CDIP1: variants seen among roughly 807,000 people sequenced by gnomAD.
CDIP1 encodes the protein cell death-inducing p53-target protein 1.
Under a neutral mutation model 17.7 loss-of-function variants are expected in CDIP1, and 9 were observed. That is an observed-to-expected ratio of 0.51 (90% CI 0.31 to 0.89). The LOEUF (loss-of-function observed/expected upper bound fraction) is 0.89. Ranked by LOEUF, CDIP1 falls within the 40% of genes least tolerant of loss-of-function variation. CDIP1 has a pLI of 0.05. For synonymous variants in CDIP1, 117 were observed against 109.5 expected (o/e 1.07, Z -0.43); for missense variants, 263 against 277.9 (o/e 0.95, Z 0.38).
At position 4,513,528 on chromosome 16, in the gene CDIP1, C is replaced by T. The variant is rs979006800; in HGVS notation, c.241+168G>A. On this transcript the variant is annotated intron_variant, in intron 4 of 5. Transcript: ENST00000567695. This position sits in a 1 kb window ranked among gnomAD's most constrained non-coding sequence, Gnocchi z 4.1. Reference sequence around the variant, plus strand: ...GAATAAGAGCAGTCCCACCTTCCCACGTCCACAGTCCCTGTCCACACACAG... The same window carrying T: ...GAATAAGAGCAGTCCCACCTTCCCATGTCCACAGTCCCTGTCCACACACAG... Among the ~76,000 whole-genome samples the T allele has an allele frequency of 5.3e-5, 8 of 152,220 alleles. No individual in the cohort carries two copies. The highest frequency in any genetic ancestry group is 1.0e-4 in the Non-Finnish European group (7 of 68,036).
At chr16:4,538,148 G>T (rs1005856028) in intron 1 of CDIP1, among the ~76,000 whole-genome samples, 5 of 152,112 alleles carry the variant, frequency 3.3e-5, no homozygotes, top group African/African-American at 1.2e-4. Context: ...GGAAAAACGT[G>T]CGGGCGAGCA....
At position 4,514,653 on chromosome 16, in the gene CDIP1, G is replaced by C. The variant is rs1269496526; in HGVS notation, c.-93C>G. 1 of 153,988 alleles carries C rather than the reference G, an allele frequency of 6.5e-6. No individual in the cohort carries two copies. The highest frequency in any genetic ancestry group is 1.4e-5 in the Non-Finnish European group (1 of 69,388). The allele number at this position is 153,988 out of a possible 1,614,324, so 9.5% of individuals were successfully genotyped here. ...GGCCTGGATGGACAGGGAACAGGCA[G>C]GGCTCCGGGAGCTGTTTCAGGGGAA... On this transcript the variant is annotated 5_prime_UTR_variant, in exon 2 of 6. Transcript: ENST00000567695. The surrounding 1 kb of genome is among the most constrained non-coding windows in gnomAD (Gnocchi z 5.2).
chr16:4,535,267 ACCT>A (rs1193947632), intron 1 of CDIP1, among the ~76,000 whole-genome samples: 1 of 151,798 alleles, frequency 6.6e-6, no homozygotes, highest in Non-Finnish European at 1.5e-5. Flanking sequence ...CCCCCATTAC[ACCT>A]CCTTGCAGTA....
chr16:4,531,324 G>A (rs1180621757), intron 1 of CDIP1, among the ~76,000 whole-genome samples: 2 of 151,666 alleles, frequency 1.3e-5, no homozygotes, highest in East Asian at 1.9e-4. Flanking sequence ...CACTGTGCCC[G>A]GCCTTTTTTT....
Position 4,513,573 on chromosome 16 carries a change from C to CT in CDIP1, c.241+122dup. Reference sequence around the variant, plus strand: ...ACACAGCCTGAGCCCTAGGCAAGGGCTGGTTGGGCGTGTTGGAGTCCCTGC... The same window carrying CT: ...ACACAGCCTGAGCCCTAGGCAAGGGCTTGGTTGGGCGTGTTGGAGTCCCTGC... On this transcript the variant is annotated intron_variant, in intron 4 of 5. Coordinates refer to ENST00000567695, the MANE Select transcript of CDIP1 (RefSeq NM_013399.3). The surrounding 1 kb of genome is among the most constrained non-coding windows in gnomAD (Gnocchi z 4.1). 1 of 816,040 alleles carries CT rather than the reference C, an allele frequency of 1.2e-6. No homozygotes were observed. The highest frequency in any genetic ancestry group is 2.0e-6 in the Non-Finnish European group (1 of 496,136). 50.5% of individuals were successfully genotyped at this position (816,040 alleles called of 1,614,324 possible).
rs1204215577 is a variant in CDIP1, at chr16:4,513,939, G to A, written c.86-88C>T. On this transcript the variant is annotated intron_variant, in intron 3 of 5. Transcript: ENST00000567695. The surrounding 1 kb of genome is among the most constrained non-coding windows in gnomAD (Gnocchi z 4.1). ...GAGGCCACTGTTTTGGGACACAGAT[G>A]GGGCCCAGGGGTAACCCTGGAGTGG... 1.4e-6 allele frequency: 2 copies of A among 1,389,280 alleles called. No individual in the cohort carries two copies. The highest frequency in any genetic ancestry group is 1.9e-6 in the Non-Finnish European group (2 of 1,026,232). The allele number at this position is 1,389,280 out of a possible 1,614,324, so 86.1% of individuals were successfully genotyped here. A position where few individuals can be genotyped will look rare whatever the true frequency, so the allele number is the denominator to read the frequency against.
chr16:4,526,431 T>G (rs527252482), intron 1 of CDIP1, among the ~76,000 whole-genome samples: 138 of 151,242 alleles, frequency 9.1e-4, no homozygotes, highest in Non-Finnish European at 1.4e-3. Context: ...CTGGTCACGG[T>G]GGCTCACACC....
intron 1 of CDIP1, among the ~76,000 whole-genome samples, chr16:4,534,405 C>T (rs4786519): frequency 0.55 from 83,742 of 152,214 alleles, 26,655 homozygotes; most frequent in Non-Finnish European, 0.7. Flanking sequence ...CAGTCAACTC[C>T]GTGATGCAGT....
At position 4,513,352 on chromosome 16, in the gene CDIP1, C is replaced by T. The variant is rs1039479317; in HGVS notation, c.242-288G>A. On this transcript the variant is annotated intron_variant, in intron 4 of 5. Coordinates refer to ENST00000567695, the MANE Select transcript of CDIP1 (RefSeq NM_013399.3). This position sits in a 1 kb window ranked among gnomAD's most constrained non-coding sequence, Gnocchi z 4.1. ...GTCCCTCTGCTCCTCTGTCTGTCTC[C>T]AGCATGCAAGGACAGGGCACTCAGC... Among the ~76,000 whole-genome samples, 2 of 152,142 alleles carry T rather than the reference C, an allele frequency of 1.3e-5. No homozygotes were observed. Among genetic ancestry groups the T allele is most frequent in the African/African-American group, 2.4e-5 (1 of 41,416 alleles).
intron 1 of CDIP1, among the ~76,000 whole-genome samples, chr16:4,527,989 G>A (rs760483773): frequency 1.5e-4 from 23 of 152,210 alleles, no homozygotes; most frequent in Admixed American, 3.3e-4. Flanking sequence ...GCTAATTTTT[G>A]TATTTTAGTA....
Position 4,513,936 on chromosome 16 carries a change from G to A in CDIP1, c.86-85C>T. 1 of 1,405,838 alleles carries A rather than the reference G, an allele frequency of 7.1e-7. No homozygotes were observed. The highest frequency in any genetic ancestry group is 9.6e-7 in the Non-Finnish European group (1 of 1,039,278). The allele number at this position is 1,405,838 out of a possible 1,614,324, so 87.1% of individuals were successfully genotyped here. ...CCAGAGGCCACTGTTTTGGGACACA[G>A]ATGGGGCCCAGGGGTAACCCTGGAG... is the stretch of plus-strand genomic sequence containing the variant. On this transcript the variant is annotated intron_variant, in intron 3 of 5. Coordinates refer to ENST00000567695, the MANE Select transcript of CDIP1 (RefSeq NM_013399.3). The surrounding 1 kb of genome is among the most constrained non-coding windows in gnomAD (Gnocchi z 4.1).
Position 4,513,777 on chromosome 16 carries a change from A to T in CDIP1, c.160T>A (p.Tyr54Asn), listed in dbSNP as rs1383462784. 9 of 1,609,814 alleles carry T rather than the reference A, an allele frequency of 5.6e-6. No individual in the cohort carries two copies. The highest frequency in any genetic ancestry group is 7.6e-6 in the Non-Finnish European group (9 of 1,177,148). The change falls in exon 4 of 6, where the codon TAT becomes AAT. Residue 54 changes from tyrosine (Y) to asparagine (N), a missense_variant. Transcript: ENST00000567695. This position sits in a 1 kb window ranked among gnomAD's most constrained non-coding sequence, Gnocchi z 4.1. ...LPPADIGPPP[Y>N]EPPGHPMPQP... is the part of the protein sequence containing the mutation. Reference sequence around the variant, plus strand: ...GGCATTGGGTGACCCGGCGGCTCATAGGGTGGGGGGCCAATGTCCGCAGGG... The same window carrying T: ...GGCATTGGGTGACCCGGCGGCTCATTGGGTGGGGGGCCAATGTCCGCAGGG...
At chr16:4,530,011 G>A (rs1018936557) in intron 1 of CDIP1, among the ~76,000 whole-genome samples, 6 of 152,344 alleles carry the variant, frequency 3.9e-5, no homozygotes, top group Middle Eastern at 3.4e-3. Flanking sequence ...TCCTCCAAAT[G>A]TGTCAGTCAC....
At chr16:4,521,774 C>G (rs2058952090) in intron 1 of CDIP1, among the ~76,000 whole-genome samples, 1 of 151,436 alleles carries the variant, frequency 6.6e-6, no homozygotes, top group Admixed American at 6.6e-5. Context: ...ACCCCCAAGA[C>G]CCACCACTTT....
At chr16:4,538,507 C>CCCA (rs1555502897) in intron 1 of CDIP1, 195 bp downstream of exon 1, 3 of 149,034 alleles carry the variant, frequency 2.0e-5, no homozygotes, top group African/African-American at 7.5e-5. Context: ...TCACCCCCCC[C>CCCA]ACCACAACCC....
intron 1 of CDIP1, among the ~76,000 whole-genome samples, chr16:4,516,698 C>CTTTTTTTT (rs767463500): frequency 1.9e-4 from 15 of 78,056 alleles, no homozygotes; most frequent in South Asian, 4.9e-4. Context: ...GTTTTAAATC[C>CTTTTTTTT]TTTTTTTTTT....
In CDIP1 at chr16:4,512,494, G is replaced by C. The variant is rs1251089761; in HGVS notation, c.*78C>G. 1 of 1,053,498 alleles carries C rather than the reference G, an allele frequency of 9.5e-7. No homozygotes were observed. Among genetic ancestry groups the C allele is most frequent in the Non-Finnish European group, 1.5e-6 (1 of 676,544 alleles). 65.3% of individuals were successfully genotyped at this position (1,053,498 alleles called of 1,614,324 possible). On this transcript the variant is annotated 3_prime_UTR_variant, in exon 6 of 6. Transcript: ENST00000567695. The surrounding 1 kb of genome is among the most constrained non-coding windows in gnomAD (Gnocchi z 4.6). ...GGCTCCCAGCCCCAAGTGGGAGCGG[G>C]AAAGTGACCACTGAGCACAGGGAGC...
At chr16:4,531,455 T>C (rs1259309490) in intron 1 of CDIP1, among the ~76,000 whole-genome samples, 2 of 152,162 alleles carry the variant, frequency 1.3e-5, no homozygotes, top group Non-Finnish European at 2.9e-5. Flanking sequence ...TGTCTGCTCC[T>C]GGCCAGAGAA....
chr16:4,513,878 G>A lies in CDIP1; in HGVS notation c.86-27C>T, dbSNP rs2058860799. 6.5e-7 allele frequency: 1 copy of A among 1,537,912 alleles called. No homozygotes were observed. The highest frequency in any genetic ancestry group is 1.4e-5 in the African/African-American group (1 of 72,304). Reference sequence around the variant, plus strand: ...TGGACAGAGAGAGGCAGAAAGAGGAGACTGAGCTGGAGCCTCTGCACGATG... The same window carrying A: ...TGGACAGAGAGAGGCAGAAAGAGGAAACTGAGCTGGAGCCTCTGCACGATG... On this transcript the variant is annotated intron_variant, in intron 3 of 5. Transcript: ENST00000567695. The surrounding 1 kb of genome is among the most constrained non-coding windows in gnomAD (Gnocchi z 4.1).
Sources: allele counts gnomAD v4.1 joint callset (sites outside exome capture counted in the v4.1 genomes callset), GRCh38; gene constraint gnomAD v4.1.1; non-coding constraint Gnocchi (gnomAD v3.1); transcripts MANE v1.5; gene names NCBI Gene and HGNC (gene_info 2026-07-23, HGNC 2026-07-21).